ENTREP2: variants seen among roughly 807,000 people sequenced by gnomAD.
The protein encoded by ENTREP2 is protein ENTREP2.
the ENTREP2 span, among the ~76,000 whole-genome samples, chr15:29,564,157 C>T: frequency 3.3e-5 from 5 of 152,062 alleles, no homozygotes; most frequent in Non-Finnish European, 5.9e-5. Context: ...TCCCATTTGG[C>T]TCTACTGATC....
the ENTREP2 span, among the ~76,000 whole-genome samples, chr15:29,323,978 A>G: frequency 1.4e-4 from 22 of 152,376 alleles, no homozygotes; most frequent in South Asian, 4.6e-3. Flanking sequence ...TTGTAAAAGA[A>G]GTGTAATTGA....
chr15:29,214,537 G>T, the ENTREP2 span, among the ~76,000 whole-genome samples: 4 of 152,144 alleles, frequency 2.6e-5, no homozygotes, highest in East Asian at 7.7e-4. Flanking sequence ...AGGGCCTGTT[G>T]TGGGGTGGGA....
At chr15:29,340,219 T>A in the ENTREP2 span, among the ~76,000 whole-genome samples, 1 of 152,214 alleles carries the variant, frequency 6.6e-6, no homozygotes, top group Non-Finnish European at 1.5e-5. Flanking sequence ...CTGTATCCAA[T>A]ACAATACATA....
chr15:29,221,003 GGAGA>G, the ENTREP2 span, among the ~76,000 whole-genome samples: 1 of 152,078 alleles, frequency 6.6e-6, no homozygotes, highest in Non-Finnish European at 1.5e-5. Context: ...TCGTGAAGAG[GGAGA>G]GAGAGACAGG....
chr15:29,164,445 C>G, the ENTREP2 span, among the ~76,000 whole-genome samples: 5,756 of 152,228 alleles, frequency 0.038, 334 homozygotes, highest in African/African-American at 0.13. Flanking sequence ...TCAGGAGACT[C>G]ACCTAACACA....
the ENTREP2 span, among the ~76,000 whole-genome samples, chr15:29,227,764 G>T: frequency 6.6e-6 from 1 of 152,160 alleles, no homozygotes; most frequent in African/African-American, 2.4e-5. Flanking sequence ...GAACCACTCT[G>T]CAGTGGTAAG....
At chr15:29,606,864 C>G in the ENTREP2 span, among the ~76,000 whole-genome samples, 1 of 151,994 alleles carries the variant, frequency 6.6e-6, no homozygotes. Context: ...GGTTCTTGCT[C>G]TGTCACCCAG....
chr15:29,587,123 A>G, the ENTREP2 span, among the ~76,000 whole-genome samples: 9 of 88,892 alleles, frequency 1.0e-4, no homozygotes, highest in Non-Finnish European at 1.6e-4. Context: ...GAGATAGGCT[A>G]TCTGTGTAGC....
chr15:29,123,644 G>A, the ENTREP2 span: 8 of 1,547,436 alleles, frequency 5.2e-6, no homozygotes, highest in East Asian at 2.5e-5. Context: ...GTGGCAGAGC[G>A]AGACATGGAA....
chr15:29,433,178 T>C, the ENTREP2 span, among the ~76,000 whole-genome samples: 1 of 152,020 alleles, frequency 6.6e-6, no homozygotes, highest in Non-Finnish European at 1.5e-5. Flanking sequence ...GCTGTGACTG[T>C]CTCCTCCCCA....
At chr15:29,313,840 C>A in the ENTREP2 span, among the ~76,000 whole-genome samples, 1 of 152,174 alleles carries the variant, frequency 6.6e-6, no homozygotes, top group Non-Finnish European at 1.5e-5. Context: ...AAATTGACAA[C>A]CTTCTGGAAA....
the ENTREP2 span, chr15:29,121,448 C>A: frequency 3.3e-4 from 51 of 152,286 alleles, no homozygotes; most frequent in African/African-American, 1.2e-3. Flanking sequence ...TAGTGTGGAC[C>A]CCCCCAAGCA....
the ENTREP2 span, among the ~76,000 whole-genome samples, chr15:29,667,354 AT>A: frequency 3.3e-5 from 5 of 149,586 alleles, no homozygotes; most frequent in East Asian, 2.0e-4. Context: ...TGCCCGGCTA[AT>A]TTTTTTGTAT....
chr15:29,633,618 A>T, the ENTREP2 span, among the ~76,000 whole-genome samples: 9 of 152,116 alleles, frequency 5.9e-5, no homozygotes, highest in Admixed American at 5.2e-4. Context: ...TGCAATCAGA[A>T]ATGTCAGAAG....
At chr15:29,307,130 C>G in the ENTREP2 span, among the ~76,000 whole-genome samples, 1 of 152,110 alleles carries the variant, frequency 6.6e-6, no homozygotes. Flanking sequence ...CTTTCTGTAA[C>G]TAAATGAGAA....
chr15:29,401,065 C>T, the ENTREP2 span, among the ~76,000 whole-genome samples: 1 of 152,232 alleles, frequency 6.6e-6, no homozygotes, highest in Non-Finnish European at 1.5e-5. Context: ...ACACAAACCC[C>T]ATGAGAAGCT....
chr15:29,629,233 A>G, the ENTREP2 span, among the ~76,000 whole-genome samples: 1 of 152,130 alleles, frequency 6.6e-6, no homozygotes, highest in Non-Finnish European at 1.5e-5. Context: ...TTTTTAATCC[A>G]TTCTTCCAAT....
the ENTREP2 span, among the ~76,000 whole-genome samples, chr15:29,351,193 C>A: frequency 6.6e-6 from 1 of 152,142 alleles, no homozygotes; most frequent in Non-Finnish European, 1.5e-5. Flanking sequence ...GGGCTACAAA[C>A]CTGCACAGCA....
chr15:29,611,372 C>T, the ENTREP2 span, among the ~76,000 whole-genome samples: 4 of 151,788 alleles, frequency 2.6e-5, no homozygotes, highest in East Asian at 7.7e-4. Flanking sequence ...CATATTAAAA[C>T]TCATTAAAAA....
Sources: allele counts gnomAD v4.1 joint callset (sites outside exome capture counted in the v4.1 genomes callset), GRCh38; gene constraint gnomAD v4.1.1; transcripts MANE v1.5; gene names NCBI Gene and HGNC (gene_info 2026-07-23, HGNC 2026-07-21).